Variants in SERGEF observed in about 807,000 individuals in gnomAD.
SERGEF encodes the protein secretion regulating guanine nucleotide exchange factor, also known as secretion-regulating guanine nucleotide exchange factor.
In SERGEF, 51 loss-of-function variants were observed where a neutral mutation model predicts 50.0. That is an observed-to-expected ratio of 1.02 (90% confidence interval 0.81 to 1.29). The LOEUF is 1.29. SERGEF is among the 50% of genes most tolerant of loss of function. SERGEF has a pLI of 0.00. For synonymous variants in SERGEF, 205 were observed against 212.4 expected (o/e 0.97, Z 0.30); for missense variants, 521 against 557.0 (o/e 0.94, Z 0.65).
intron 8 of SERGEF, among the ~76,000 whole-genome samples, chr11:17,969,900 C>A (rs1853210891): frequency 6.6e-6 from 1 of 152,180 alleles, no homozygotes; most frequent in African/African-American, 2.4e-5. Flanking sequence ...ACTATCTGAG[C>A]CAGAAGAAAC....
intron 10 of SERGEF, among the ~76,000 whole-genome samples, chr11:17,837,421 C>T (rs1421250422): frequency 6.6e-6 from 1 of 151,730 alleles, no homozygotes; most frequent in African/African-American, 2.4e-5. Flanking sequence ...GTTGGATGCC[C>T]TCTGTGGGGA....
chr11:17,973,150 C>A (rs1853287549), intron 8 of SERGEF, among the ~76,000 whole-genome samples: 1 of 152,310 alleles, frequency 6.6e-6, no homozygotes, highest in African/African-American at 2.4e-5. Flanking sequence ...CAAAGGAAAG[C>A]CGCAGTTCCC....
chr11:17,829,205 C>G (rs1180333250), intron 10 of SERGEF, among the ~76,000 whole-genome samples: 1 of 152,216 alleles, frequency 6.6e-6, no homozygotes, highest in Non-Finnish European at 1.5e-5. Flanking sequence ...GTTCCCTAAT[C>G]TCTCCAGACT....
At chr11:17,948,260 G>A (rs148050157) in intron 9 of SERGEF, among the ~76,000 whole-genome samples, 1 of 152,128 alleles carries the variant, frequency 6.6e-6, no homozygotes, top group Non-Finnish European at 1.5e-5. Flanking sequence ...CTTCATAGTT[G>A]ATAAAATGCT....
intron 10 of SERGEF, among the ~76,000 whole-genome samples, chr11:17,796,976 G>A (rs778365947): frequency 6.6e-6 from 1 of 152,328 alleles, no homozygotes; most frequent in South Asian, 2.1e-4. Flanking sequence ...GAGGGTTGGA[G>A]GCAAGGAGGC....
intron 10 of SERGEF, among the ~76,000 whole-genome samples, chr11:17,857,747 C>G (rs905901476): frequency 6.6e-6 from 1 of 152,218 alleles, no homozygotes; most frequent in African/African-American, 2.4e-5. Context: ...CAGCCTGCCT[C>G]ACATTCTCAG....
intron 8 of SERGEF, among the ~76,000 whole-genome samples, chr11:17,968,520 A>G (rs747270762): frequency 3.9e-5 from 6 of 152,136 alleles, no homozygotes; most frequent in Admixed American, 1.3e-4. Flanking sequence ...TGGGCAACAC[A>G]GCAAGATCCT....
intron 10 of SERGEF, among the ~76,000 whole-genome samples, chr11:17,833,697 T>A (rs1774383658): frequency 6.6e-6 from 1 of 152,190 alleles, no homozygotes; most frequent in Admixed American, 6.5e-5. Context: ...ACCTCTTGCA[T>A]CAAGTGACCT....
chr11:17,806,815 G>A (rs1849765953), intron 10 of SERGEF, among the ~76,000 whole-genome samples: 1 of 152,136 alleles, frequency 6.6e-6, no homozygotes, highest in Non-Finnish European at 1.5e-5. Context: ...AAACCAGCAG[G>A]ATTCAGAGAG....
chr11:17,815,866 G>T (rs868673030), intron 10 of SERGEF, among the ~76,000 whole-genome samples: 11 of 152,126 alleles, frequency 7.2e-5, no homozygotes, highest in African/African-American at 2.7e-4. Context: ...AGGTTGCAGT[G>T]ATCCCAGATT....
At chr11:17,998,544 GTGTA>G (rs1245739863) in intron 5 of SERGEF, among the ~76,000 whole-genome samples, 6 of 134,646 alleles carry the variant, frequency 4.5e-5, no homozygotes, top group South Asian at 4.9e-4. Flanking sequence ...GTGTGTGTGT[GTGTA>G]TGTGTATGTG....
rs142798026 is a variant in SERGEF, at chr11:17,824,508, G to A, written c.1049-36095C>T. ...GGGGATATCATCAGACCTGTCATGC[G>A]TGAATGTATTAGTCTGCTTGGGCTG... On this transcript the variant is annotated intron_variant, in intron 10 of 10. Transcript: ENST00000265965. 5.3e-4 allele frequency among the ~76,000 whole-genome samples: 80 copies of A among 152,278 alleles called. No homozygotes were observed. In the East Asian group the frequency reaches 9.8e-3, roughly 19 times the overall value.
At chr11:17,995,318 G>T (rs1853813724) in intron 6 of SERGEF, among the ~76,000 whole-genome samples, 1 of 152,142 alleles carries the variant, frequency 6.6e-6, no homozygotes, top group Admixed American at 6.5e-5. Flanking sequence ...GCCATGCAAG[G>T]CATGGTCCTC....
intron 10 of SERGEF, among the ~76,000 whole-genome samples, chr11:17,806,971 C>G (rs928263697): frequency 2.0e-5 from 3 of 152,122 alleles, no homozygotes; most frequent in African/African-American, 7.2e-5. Flanking sequence ...CTTCTCTCCT[C>G]CAGGAGGTCT....
At chr11:17,880,560 G>T (rs1382431808) in intron 9 of SERGEF, among the ~76,000 whole-genome samples, 2 of 152,066 alleles carry the variant, frequency 1.3e-5, no homozygotes, top group African/African-American at 4.8e-5. Context: ...AATAAGAATG[G>T]AAGGAGATAC....
rs150000469 is a variant in SERGEF, at chr11:17,794,864, C to T, written c.1049-6451G>A. 3.9e-5 allele frequency among the ~76,000 whole-genome samples: 6 copies of T among 152,298 alleles called. No individual in the cohort carries two copies. The East Asian group carries it at 1.2e-3, about 29-fold the overall frequency. ...CAGAGTAACAGTCCACCTATGGGAA[C>T]GCAGGAAGTAATGGAAGGCAAGAAC... On this transcript the variant is annotated intron_variant, in intron 10 of 10. Transcript: ENST00000265965.
intron 10 of SERGEF, among the ~76,000 whole-genome samples, chr11:17,876,220 A>G (rs1406595816): frequency 6.6e-6 from 1 of 152,150 alleles, no homozygotes; most frequent in African/African-American, 2.4e-5. Context: ...CTCTGAAACC[A>G]TTCATTCAGA....
At position 17,919,945 on chromosome 11, in the gene SERGEF, T is replaced by TAAA. The variant is rs58325345; in HGVS notation, c.1011+39522_1011+39524dup. On this transcript the variant is annotated intron_variant, in intron 9 of 10. Coordinates refer to ENST00000265965, the MANE Select transcript of SERGEF (RefSeq NM_012139.4). ...TGGGCAACAAGAGCAAAACTCCATC[T>TAAA]AAAAAAAAAAAAAAAACCGCAGCCA... Among the ~76,000 whole-genome samples, 11 of 114,356 alleles carry TAAA rather than the reference T, an allele frequency of 9.6e-5. No individual in the cohort carries two copies. In the East Asian group the frequency reaches 1.3e-3, roughly 13 times the overall value. 75.0% of individuals were successfully genotyped at this position (114,356 alleles called of 152,430 possible).
At chr11:17,981,678 G>A (rs1340658644) in intron 8 of SERGEF, among the ~76,000 whole-genome samples, 1 of 152,168 alleles carries the variant, frequency 6.6e-6, no homozygotes, top group Non-Finnish European at 1.5e-5. Flanking sequence ...GTGAATCCCA[G>A]AATGGCCTCC....
Sources: gnomAD v4.1 joint callset for allele counts (sites outside exome capture counted in the v4.1 genomes callset) on GRCh38, gnomAD v4.1.1 for gene constraint, MANE v1.5 for transcripts, NCBI Gene and HGNC (gene_info 2026-07-23, HGNC 2026-07-21) for gene names.